Variants in ITGA1 observed in about 807,000 individuals in gnomAD.
The protein encoded by ITGA1 is integrin subunit alpha 1.
In ITGA1, 85 loss-of-function variants were observed where a neutral mutation model predicts 145.9. That is an observed-to-expected ratio of 0.58 (90% CI 0.49 to 0.70). The LOEUF (loss-of-function observed/expected upper bound fraction) is 0.70, where lower values mean the gene tolerates loss of function less well. Ranked by LOEUF, ITGA1 falls within the 30% of genes least tolerant of loss-of-function variation. ITGA1 has a pLI of 0.00. For missense variants in ITGA1, 1,351 were observed against 1,418.7 expected, an observed-to-expected ratio of 0.95 and a Z score of 0.77; for synonymous variants, 520 against 495.3, an observed-to-expected ratio of 1.05 and a Z score of -0.66.
chr5:52,927,526 C>A, intron 19 of ITGA1, 58 bp from the exon 20 acceptor site: 2 of 1,196,108 alleles, frequency 1.7e-6, no homozygotes, highest in Admixed American at 1.9e-5. Flanking sequence ...TCTGAAAGAA[C>A]ACGTATCAAT....
intron 1 of ITGA1, among the ~76,000 whole-genome samples, chr5:52,845,876 A>G (rs562380814): frequency 7.9e-5 from 12 of 152,292 alleles, no homozygotes; most frequent in Admixed American, 6.5e-4. Context: ...AAATACACAA[A>G]ACCTGTGAGA....
At chr5:52,837,090 G>A (rs906058674) in intron 1 of ITGA1, among the ~76,000 whole-genome samples, 8 of 152,108 alleles carry the variant, frequency 5.3e-5, no homozygotes, top group African/African-American at 1.9e-4. Flanking sequence ...GTCCAGTAAA[G>A]ACCAAACCTC....
chr5:52,880,156 G>T (rs903421412), intron 6 of ITGA1, among the ~76,000 whole-genome samples: 4 of 152,030 alleles, frequency 2.6e-5, no homozygotes, highest in African/African-American at 9.7e-5. Flanking sequence ...GAGGAAATAG[G>T]GTGATTGAAA....
At chr5:52,950,942 A>T (rs956045220) in intron 28 of ITGA1, among the ~76,000 whole-genome samples, 1 of 152,196 alleles carries the variant, frequency 6.6e-6, no homozygotes, top group Non-Finnish European at 1.5e-5. Context: ...TACTTGGCTC[A>T]TATGAAAAAG....
intron 2 of ITGA1, among the ~76,000 whole-genome samples, chr5:52,857,747 G>A (rs887393828): frequency 3.9e-5 from 6 of 152,066 alleles, no homozygotes; most frequent in African/African-American, 1.4e-4. Context: ...ATTTCGAGGT[G>A]GTAATATTTA....
intron 1 of ITGA1, among the ~76,000 whole-genome samples, chr5:52,845,794 A>G (rs1360576985): frequency 1.3e-5 from 2 of 152,128 alleles, no homozygotes; most frequent in Admixed American, 1.3e-4. Flanking sequence ...AAGTTGAGAA[A>G]CCCTGCTGCA....
intron 26 of ITGA1, among the ~76,000 whole-genome samples, chr5:52,941,101 G>A (rs1051981743): frequency 6.6e-6 from 1 of 152,150 alleles, no homozygotes; most frequent in Non-Finnish European, 1.5e-5. Context: ...TGCTGCAAAG[G>A]ACATGATTTT....
At chr5:52,861,386 A>G in intron 2 of ITGA1, 61 bp from the exon 3 acceptor site, 1 of 957,900 alleles carries the variant, frequency 1.0e-6, no homozygotes, top group Non-Finnish European at 1.7e-6. Context: ...CAGTCATAAA[A>G]CAACTCATAT....
rs193116129 is a variant in ITGA1, at chr5:52,791,474, G to C, written c.61+3060G>C. Reference sequence around the variant, plus strand: ...TGAAGCCCAGCAGAGAAGGAGTAAGGAAAATAAATATACCTCCTTTCCTCC... The same window carrying C: ...TGAAGCCCAGCAGAGAAGGAGTAAGCAAAATAAATATACCTCCTTTCCTCC... On this transcript the variant is annotated intron_variant, in intron 1 of 28. Transcript: ENST00000282588. 1.6e-4 allele frequency among the ~76,000 whole-genome samples: 25 copies of C among 152,202 alleles called. No individual in the cohort carries two copies. In the East Asian group the frequency reaches 4.5e-3, roughly 27 times the overall value.
chr5:52,849,569 A>G (rs1749397685), intron 2 of ITGA1, 84 bp downstream of exon 2: 3 of 1,190,708 alleles, frequency 2.5e-6, no homozygotes, highest in Non-Finnish European at 3.4e-6. Context: ...TCTTTTATGA[A>G]TGAAACTTTA....
chr5:52,890,511 A>C (rs1458082666), intron 8 of ITGA1, among the ~76,000 whole-genome samples: 1 of 152,262 alleles, frequency 6.6e-6, no homozygotes, highest in Non-Finnish European at 1.5e-5. Context: ...GTGCACCCAC[A>C]TAAGACTTAA....
rs1750831473 is a variant in ITGA1 at position 52,927,625 on chromosome 5, A to G, written c.2655A>G (p.Thr885=). 6.2e-7 allele frequency: 1 copy of G among 1,611,886 alleles called. No homozygotes were observed. Among genetic ancestry groups the G allele is most frequent in the African/African-American group, 1.3e-5 (1 of 74,908 alleles). Residue 885 remains threonine, a synonymous_variant, in exon 20 of 29, where the codon ACA becomes ACG. Transcript: ENST00000282588. ...GTTGTGAATCTAATCATAATATCACATGTAAAGTTGGATATCCCTTCCTGA... is the reference window on the plus strand; with the variant it reads ...GTTGTGAATCTAATCATAATATCACGTGTAAAGTTGGATATCCCTTCCTGA... ...KDSCESNHNI[T]CKVGYPFLRR... is the part of the protein sequence containing the mutation.
At chr5:52,939,804 A>C in intron 25 of ITGA1, 36 bp from the exon 26 acceptor site, 1 of 1,465,488 alleles carries the variant, frequency 6.8e-7, no homozygotes, top group Non-Finnish European at 9.6e-7. Flanking sequence ...ATAAAACGGC[A>C]AGAATACTGA....
intron 1 of ITGA1, among the ~76,000 whole-genome samples, chr5:52,832,769 G>GTC (rs1749091790): frequency 1.4e-5 from 1 of 74,036 alleles, no homozygotes; most frequent in Non-Finnish European, 2.7e-5. Context: ...ATAAATCTGT[G>GTC]TGTGTGTGTG....
At chr5:52,925,231 C>T (rs2111878864) in intron 18 of ITGA1, 47 bp from the exon 19 acceptor site, 1 of 1,434,896 alleles carries the variant, frequency 7.0e-7, no homozygotes, top group South Asian at 1.2e-5. Context: ...TAATTTTCAA[C>T]AATGCGTAGC....
chr5:52,855,960 T>C (rs545067802), intron 2 of ITGA1, among the ~76,000 whole-genome samples: 1 of 152,278 alleles, frequency 6.6e-6, no homozygotes, highest in African/African-American at 2.4e-5. Flanking sequence ...GCTCCTACAC[T>C]CTACCACTTT....
At chr5:52,821,748 T>G (rs1016531571) in intron 1 of ITGA1, among the ~76,000 whole-genome samples, 1 of 152,200 alleles carries the variant, frequency 6.6e-6, no homozygotes, top group African/African-American at 2.4e-5. Context: ...TATTCAGCCT[T>G]AACATTTTCT....
intron 1 of ITGA1, among the ~76,000 whole-genome samples, chr5:52,808,061 T>A (rs990146463): frequency 1.3e-5 from 2 of 152,128 alleles, no homozygotes; most frequent in Admixed American, 1.3e-4. Context: ...GGGAGTGGAT[T>A]CTGAAACACT....
chr5:52,934,029 G>T (rs768461880), intron 23 of ITGA1, 33 bp downstream of exon 23: 1 of 867,258 alleles, frequency 1.2e-6, no homozygotes, highest in East Asian at 2.9e-5. Context: ...GTATTCTAAA[G>T]GAGTTATTTG....
Sources: allele counts gnomAD v4.1 joint callset (sites outside exome capture counted in the v4.1 genomes callset), GRCh38; gene constraint gnomAD v4.1.1; transcripts MANE v1.5; gene names NCBI Gene and HGNC (gene_info 2026-07-23, HGNC 2026-07-21).